Variants in MAN2A2 observed in about 807,000 individuals in gnomAD.
MAN2A2 encodes the protein mannosidase alpha class 2A member 2, also known as alpha-mannosidase 2x.
Under a neutral mutation model 126.8 loss-of-function variants are expected in MAN2A2, and 79 were observed. The observed-to-expected ratio is 0.62, with a 90% CI of 0.52 to 0.75. The LOEUF (loss-of-function observed/expected upper bound fraction) is 0.75. Among genes scored for constraint, MAN2A2 ranks in the 30% least tolerant of loss-of-function variants. The pLI, the probability that MAN2A2 is intolerant of heterozygous loss-of-function variation, is 0.00. For missense variants in MAN2A2, 1,392 were observed against 1,522.4 expected (o/e 0.91, Z 1.43); for synonymous variants, 671 against 618.7 (o/e 1.08, Z -1.25).
intron 9 of MAN2A2, among the ~76,000 whole-genome samples, 196 bp from the exon 10 acceptor site, chr15:90,909,894 C>T (rs1567122146): frequency 2.0e-5 from 3 of 152,310 alleles, no homozygotes; most frequent in South Asian, 4.1e-4. Flanking sequence ...TGAGCCACCG[C>T]GCCCAGCCGA....
At chr15:90,916,815 A>G (rs2035223744) in intron 20 of MAN2A2, among the ~76,000 whole-genome samples, 1 of 152,216 alleles carries the variant, frequency 6.6e-6, no homozygotes, top group African/African-American at 2.4e-5. Context: ...AAGTGCAGAC[A>G]GTGCTGACTC....
Position 90,905,478 on chromosome 15 carries a change from G to C in MAN2A2, c.360G>C (p.Leu120Phe). 6.2e-7 allele frequency: 1 copy of C among 1,613,956 alleles called. No individual in the cohort carries two copies. The highest frequency in any genetic ancestry group is 8.5e-7 in the Non-Finnish European group (1 of 1,180,028). Residue 120 changes from leucine (L) to phenylalanine (F), a missense_variant, in exon 3 of 23, where the codon TTG becomes TTC. By Grantham distance (22) the Leu-to-Phe change is conservative. Transcript: ENST00000559717. The stretch of plus-strand genomic sequence containing the variant: ...CCCCGCAGGACTGCCAGTTTGCTTT[G>C]GGGGGCCGGGGTCAGAAGCCAGAGC... The part of the protein sequence containing the change: ...SISPQDCQFA[L>F]GGRGQKPELQ...
chr15:90,915,065 CT>C (rs1378180862), intron 19 of MAN2A2, among the ~76,000 whole-genome samples: 1 of 152,234 alleles, frequency 6.6e-6, no homozygotes, highest in African/African-American at 2.4e-5. Context: ...GGGGGCCTGA[CT>C]CCCTGCTGGG....
In MAN2A2 at chr15:90,918,062, G is replaced by A. The variant is rs933435846; in HGVS notation, c.2995-132G>A. The A allele has an allele frequency of 1.3e-4, 101 of 800,878 alleles. No homozygotes were observed. The African/African-American group carries it at 1.4e-3, about 11-fold the overall frequency. 49.6% of individuals were successfully genotyped at this position (800,878 alleles called of 1,614,324 possible). ...AGCGGAACCTCGCCTGGAGCCAGGC[G>A]TGCCCTTGAGTCCAGGCACACCAGG... On this transcript the variant is annotated intron_variant, in intron 20 of 22. Transcript: ENST00000559717.
intron 21 of MAN2A2, 44 bp downstream of exon 21, chr15:90,918,432 G>A (rs541676268): frequency 6.3e-7 from 1 of 1,581,550 alleles, no homozygotes; most frequent in South Asian, 1.1e-5. Context: ...GAGTTCTGAT[G>A]GTGTCCCTCC....
In MAN2A2 at chr15:90,911,553, G is replaced by A; in HGVS notation, c.2109+3G>A. On this transcript the variant is annotated splice_donor_region_variant and intron_variant, in intron 14 of 22. Transcript: ENST00000559717. ...AGGCGGTCCCTGACGTCTACCAGGT[G>A]AGGTGTGGGCTTGTCAGGTGGGCCT... The A allele has an allele frequency of 6.2e-7, 1 of 1,609,264 alleles. No homozygotes were observed. Among genetic ancestry groups the A allele is most frequent in the Non-Finnish European group, 8.5e-7 (1 of 1,177,850 alleles).
Position 90,919,673 on chromosome 15 carries a change from A to G in MAN2A2, c.3339A>G (p.Val1113=), listed in dbSNP as rs149730142. Residue 1113 remains valine (V), a synonymous_variant, in exon 23 of 23, where the codon GTA becomes GTG. Transcript: ENST00000559717. The part of the protein sequence containing the change: ...LGSLFHGLDV[V]FLQPTSLTLL... Reference sequence around the variant, plus strand: ...GCCTTTTCCATGGCCTGGATGTGGTATTCCTTCAGCCAACCTCCTTGACGT... The same window carrying G: ...GCCTTTTCCATGGCCTGGATGTGGTGTTCCTTCAGCCAACCTCCTTGACGT... 30 of 1,614,180 alleles carry G rather than the reference A, an allele frequency of 1.9e-5. No individual in the cohort carries two copies. In the African/African-American group the frequency reaches 3.7e-4, roughly 20 times the overall value.
chr15:90,911,855 A>C, intron 14 of MAN2A2, 188 bp from the exon 15 acceptor site: 1 of 649,456 alleles, frequency 1.5e-6, no homozygotes, highest in Non-Finnish European at 2.7e-6. Context: ...TACTTTTTCA[A>C]ATATCACTTG....
rs774005855 is a variant in MAN2A2 at position 90,906,751 on chromosome 15, C to G, written c.847C>G (p.Arg283Gly). 1.5e-5 allele frequency: 24 copies of G among 1,612,264 alleles called. No homozygotes were observed. In the Admixed American group the frequency reaches 2.2e-4, roughly 15 times the overall value. The part of the protein sequence containing the change: ...WLERNLGATP[R>G]SGWAVDPFGY... ...CATGCCCTGCCCAGGTGCAACCCCC[C>G]GCTCTGGCTGGGCAGTGGACCCCTT... The change falls in exon 7 of 23, where the codon CGC becomes GGC. Residue 283 changes from arginine to glycine, a missense_variant. Physicochemically the swap from Arg to Gly is moderately radical, Grantham distance 125 (BLOSUM62 -2). Coordinates refer to ENST00000559717, the MANE Select transcript of MAN2A2 (RefSeq NM_006122.4).
intron 4 of MAN2A2, 34 bp from the exon 5 acceptor site, chr15:90,905,811 G>A: frequency 6.3e-7 from 1 of 1,579,676 alleles, no homozygotes; most frequent in South Asian, 1.1e-5. Context: ...AGAAGATGGT[G>A]GCATCCTCAG....
In MAN2A2 at chr15:90,905,324, G is replaced by C. The variant is rs1413041328; in HGVS notation, c.206G>C (p.Ser69Thr). 4.3e-6 allele frequency: 7 copies of C among 1,613,800 alleles called. No individual in the cohort carries two copies. The highest frequency in any genetic ancestry group is 5.9e-6 in the Non-Finnish European group (7 of 1,180,058). Residue 69 changes from serine to threonine, a missense_variant, in exon 3 of 23, where the codon AGC (serine) becomes ACC (threonine). Ser to Thr is a moderately conservative substitution (Grantham distance 58, BLOSUM62 1). Coordinates refer to ENST00000559717, the MANE Select transcript of MAN2A2 (RefSeq NM_006122.4). ...QLLEENHEII[S>T]HIKDSVLELT... is the part of the protein sequence containing the mutation. ...TTGGAGGAGAACCATGAGATTATCA[G>C]CCATATCAAGGACTCCGTGCTGGAG...
At chr15:90,911,719 G>C in intron 14 of MAN2A2, 169 bp downstream of exon 14, 1 of 729,716 alleles carries the variant, frequency 1.4e-6, no homozygotes, top group Non-Finnish European at 2.2e-6. Context: ...CTTGGGATTT[G>C]AGCGTGTCCT....
intron 19 of MAN2A2, among the ~76,000 whole-genome samples, chr15:90,914,188 G>C (rs769680618): frequency 2.0e-5 from 3 of 152,220 alleles, no homozygotes; most frequent in Non-Finnish European, 2.9e-5. Flanking sequence ...AAATTAGCTG[G>C]ATTTGGTGGC....
At chr15:90,918,064 G>A in intron 20 of MAN2A2, 130 bp from the exon 21 acceptor site, 2 of 820,166 alleles carry the variant, frequency 2.4e-6, no homozygotes, top group Non-Finnish European at 2.0e-6. Context: ...AGCCAGGCGT[G>A]CCCTTGAGTC....
intron 15 of MAN2A2, 49 bp from the exon 16 acceptor site, chr15:90,912,493 C>T (rs1719442957): frequency 6.2e-7 from 1 of 1,604,506 alleles, no homozygotes; most frequent in South Asian, 1.1e-5. Flanking sequence ...AGGAGGCAGG[C>T]CTGACATGCT....
chr15:90,920,040 G>C lies in MAN2A2; in HGVS notation c.*253G>C, dbSNP rs1471500544. ...CCCTTGGTCAGAGTGGGCAGTGCCA[G>C]GCTCTGCTTTGGGTTGTGAGTGGAC... On this transcript the variant is annotated 3_prime_UTR_variant, in exon 23 of 23. Transcript: ENST00000559717. The C allele has an allele frequency of 2.1e-6, 1 of 465,934 alleles. No homozygotes were observed. Among genetic ancestry groups the C allele is most frequent in the Non-Finnish European group, 3.9e-6 (1 of 258,668 alleles). 28.9% of individuals were successfully genotyped at this position (465,934 alleles called of 1,614,324 possible).
In MAN2A2 at chr15:90,906,867, C is replaced by T. The variant is rs2034338627; in HGVS notation, c.963C>T (p.His321=). Residue 321 remains histidine, a synonymous_variant, in exon 7 of 23, where the codon CAC becomes CAT. Coordinates refer to ENST00000559717, the MANE Select transcript of MAN2A2 (RefSeq NM_006122.4). The part of the protein sequence containing the change: ...IQRVHYAIKK[H]FAATHSLEFM... Reference sequence around the variant, plus strand: ...GAGTGCACTATGCCATCAAGAAGCACTTTGCTGCCACCCACAGCCTAGAGT... The same window carrying T: ...GAGTGCACTATGCCATCAAGAAGCATTTTGCTGCCACCCACAGCCTAGAGT... The T allele has an allele frequency of 2.5e-6, 4 of 1,614,108 alleles. No homozygotes were observed. The highest frequency in any genetic ancestry group is 2.5e-6 in the Non-Finnish European group (3 of 1,180,000).
chr15:90,911,108 C>A (rs1314840890), intron 12 of MAN2A2, 63 bp from the exon 13 acceptor site: 1 of 1,568,842 alleles, frequency 6.4e-7, no homozygotes. Flanking sequence ...ACACCTGGGA[C>A]AGGTGGGGTG....
Position 90,913,604 on chromosome 15 carries a change from G to GCC in MAN2A2, c.2719-6_2719-5dup. 6.2e-7 allele frequency: 1 copy of GCC among 1,606,124 alleles called. No individual in the cohort carries two copies. The highest frequency in any genetic ancestry group is 1.3e-5 in the African/African-American group (1 of 74,748). ...CGGGTGCCCTTGATCTGCTGGCCTT[G>GCC]CCCCCACAGGTGCAGCCCCGACGGT... is the stretch of plus-strand genomic sequence containing the variant. On this transcript the variant is annotated splice_polypyrimidine_tract_variant and intron_variant, in intron 18 of 22. Transcript: ENST00000559717.
Sources: allele counts gnomAD v4.1 joint callset (sites outside exome capture counted in the v4.1 genomes callset), GRCh38; gene constraint gnomAD v4.1.1; transcripts MANE v1.5; gene names NCBI Gene and HGNC (gene_info 2026-07-23, HGNC 2026-07-21).